SCTR: variants seen among roughly 807,000 people sequenced by gnomAD.
SCTR encodes the protein pancreatic secretin receptor.
In SCTR, 56 loss-of-function variants were observed where a neutral mutation model predicts 60.8. That is an observed-to-expected ratio of 0.92 (90% CI 0.74 to 1.15). The LOEUF (loss-of-function observed/expected upper bound fraction) is 1.15, where lower values mean the gene tolerates loss of function less well. SCTR is among the 50% of genes most tolerant of loss of function. The pLI is 0.00. For synonymous variants in SCTR, 202 were observed against 217.0 expected (o/e 0.93, Z 0.61); for missense variants, 562 against 550.4 (o/e 1.02, Z -0.21).
chr2:119,472,738 C>T (rs1364508610), intron 4 of SCTR, among the ~76,000 whole-genome samples: 2 of 152,164 alleles, frequency 1.3e-5, no homozygotes, highest in Admixed American at 6.5e-5. Flanking sequence ...AACTCTCCAG[C>T]TCAGGCGATC....
intron 9 of SCTR, among the ~76,000 whole-genome samples, chr2:119,451,154 C>T (rs1683150283): frequency 1.3e-5 from 2 of 152,158 alleles, no homozygotes; most frequent in Non-Finnish European, 2.9e-5. Flanking sequence ...CGCAGGTGAG[C>T]CTGCACAGGA....
At chr2:119,468,419 C>T (rs1683927671) in intron 4 of SCTR, among the ~76,000 whole-genome samples, 1 of 152,196 alleles carries the variant, frequency 6.6e-6, no homozygotes, top group Non-Finnish European at 1.5e-5. Context: ...GACTCACCAA[C>T]TGTGTGACCT....
intron 2 of SCTR, among the ~76,000 whole-genome samples, chr2:119,482,925 G>C (rs1011440829): frequency 4.6e-5 from 7 of 152,252 alleles, no homozygotes; most frequent in Admixed American, 3.9e-4. Flanking sequence ...TCAAGTTGCA[G>C]CTCCCCTGCC....
intron 3 of SCTR, chr2:119,477,042 G>T (rs1177383674): frequency 2.0e-5 from 3 of 152,278 alleles, no homozygotes; most frequent in Admixed American, 2.0e-4. Context: ...AGGAGTAGGG[G>T]AGAAGGGACA....
In SCTR at chr2:119,524,325, C is replaced by G; in HGVS notation, c.-99G>C. Reference sequence around the variant, plus strand: ...CCCCGCGCAGGGTCCCGGGCTCCGGCCGGCCGCTGCGCCCCGAGGAGCCAT... The same window carrying G: ...CCCCGCGCAGGGTCCCGGGCTCCGGGCGGCCGCTGCGCCCCGAGGAGCCAT... On this transcript the variant is annotated 5_prime_UTR_variant, in exon 1 of 13. Transcript: ENST00000019103. The G allele has an allele frequency of 2.6e-6, 2 of 763,152 alleles. No individual in the cohort carries two copies. The highest frequency in any genetic ancestry group is 3.7e-6 in the Non-Finnish European group (2 of 539,700). The allele number at this position is 763,152 out of a possible 1,614,324, so 47.3% of individuals were successfully genotyped here.
rs531622270 is a variant in SCTR, at chr2:119,508,741, A to G, written c.73-14193T>C. Among the ~76,000 whole-genome samples the G allele has an allele frequency of 7.7e-4, 117 of 152,256 alleles. 1 individual carries two copies. Among genetic ancestry groups the G allele is most frequent in the Admixed American group, 2.1e-3 (32 of 15,292 alleles). On this transcript the variant is annotated intron_variant, in intron 1 of 12. Coordinates refer to ENST00000019103, the MANE Select transcript of SCTR (RefSeq NM_002980.3). The stretch of plus-strand genomic sequence containing the variant: ...AAAACTGTATAGATTTATTATGCAC[A>G]TGTTGTTTTGAAATATGTATACACT...
chr2:119,484,061 C>G (rs1677753737), intron 2 of SCTR, among the ~76,000 whole-genome samples: 1 of 152,112 alleles, frequency 6.6e-6, no homozygotes, highest in African/African-American at 2.4e-5. Context: ...CAGCCCAGGA[C>G]TAGGGTCATC....
chr2:119,518,076 A>G (rs1157571068), intron 1 of SCTR, among the ~76,000 whole-genome samples: 1 of 152,154 alleles, frequency 6.6e-6, no homozygotes, highest in Non-Finnish European at 1.5e-5. Context: ...CAAAGTGGCC[A>G]TGTGCAAGCC....
chr2:119,496,227 G>C (rs1678339609), intron 1 of SCTR, among the ~76,000 whole-genome samples: 1 of 151,978 alleles, frequency 6.6e-6, no homozygotes, highest in South Asian at 2.1e-4. Flanking sequence ...ATGCTGTTCA[G>C]AGCTGCTTAG....
chr2:119,510,519 A>C (rs528775738), intron 1 of SCTR, among the ~76,000 whole-genome samples: 1 of 152,178 alleles, frequency 6.6e-6, no homozygotes, highest in Non-Finnish European at 1.5e-5. Context: ...TGCTATCTAC[A>C]TCAACCTAGA....
intron 4 of SCTR, 58 bp downstream of exon 4, chr2:119,473,395 C>T: frequency 8.0e-7 from 1 of 1,242,672 alleles, no homozygotes; most frequent in South Asian, 1.2e-5. Context: ...CTCCCAGGGC[C>T]TCCTCACCCT....
At chr2:119,487,161 G>A (rs1677905289) in intron 2 of SCTR, 1 of 152,206 alleles carries the variant, frequency 6.6e-6, no homozygotes, top group African/African-American at 2.4e-5. Context: ...AGGGAAGGAG[G>A]GGAGTGATGA....
At position 119,465,883 on chromosome 2, in the gene SCTR, A is replaced by T; in HGVS notation, c.409T>A (p.Ser137Thr). 6.2e-7 allele frequency: 1 copy of T among 1,611,078 alleles called. No homozygotes were observed. Among genetic ancestry groups the T allele is most frequent in the Non-Finnish European group, 8.5e-7 (1 of 1,177,254 alleles). Residue 137 changes from serine (S) to threonine (T), a missense_variant, in exon 5 of 13, where the codon TCC becomes ACC. Transcript: ENST00000019103. ...ATGACTTTCAGCTTCAGCAGGTAGG[A>T]GTGCTGCAGAGAGAGGCACGTGTCA... ...VNDSSNEKRH[S>T]YLLKLKVMYT...
intron 3 of SCTR, among the ~76,000 whole-genome samples, chr2:119,475,385 C>T (rs1677228822): frequency 6.6e-6 from 1 of 152,148 alleles, no homozygotes; most frequent in South Asian, 2.1e-4. Context: ...GGGCCCTCTC[C>T]TCACTGACAC....
intron 3 of SCTR, among the ~76,000 whole-genome samples, chr2:119,474,013 A>G (rs573960755): frequency 5.9e-5 from 9 of 152,322 alleles, no homozygotes; most frequent in African/African-American, 2.2e-4. Context: ...CCAGAGTGCC[A>G]TTGAGATGAA....
intron 4 of SCTR, among the ~76,000 whole-genome samples, chr2:119,473,208 A>G (rs985028404): frequency 6.6e-6 from 1 of 152,118 alleles, no homozygotes; most frequent in Non-Finnish European, 1.5e-5. Flanking sequence ...GTGGTATGCG[A>G]CAGTTCCTAC....
chr2:119,491,372 G>C (rs1678120898), intron 2 of SCTR, among the ~76,000 whole-genome samples: 1 of 152,204 alleles, frequency 6.6e-6, no homozygotes, highest in Admixed American at 6.5e-5. Flanking sequence ...TCAGGCTCCG[G>C]CCTTGGCTCA....
Position 119,452,054 on chromosome 2 carries a change from A to G in SCTR, c.877T>C (p.Ser293Pro), listed in dbSNP as rs757157813. ...GGACCACGAATGATCCACCAGATGG[A>G]TGCGTTGGCATTGATGTCCCAGCAC... The part of the protein sequence containing the change: ...VGCWDINANA[S>P]IWWIIRGPVI... Residue 293 changes from serine (S) to proline (P), a missense_variant, in exon 9 of 13, where the codon TCC (serine) becomes CCC (proline). Transcript: ENST00000019103. The G allele has an allele frequency of 1.2e-6, 2 of 1,608,750 alleles. No homozygotes were observed. The highest frequency in any genetic ancestry group is 1.7e-5 in the Admixed American group (1 of 59,754).
chr2:119,461,509 C>A (rs1216277854), intron 7 of SCTR, among the ~76,000 whole-genome samples: 3 of 152,120 alleles, frequency 2.0e-5, no homozygotes, highest in African/African-American at 7.2e-5. Flanking sequence ...GTCAGGAGTT[C>A]AAAACTAGTC....
Sources: gnomAD v4.1 joint callset for allele counts (sites outside exome capture counted in the v4.1 genomes callset) on GRCh38, gnomAD v4.1.1 for gene constraint, MANE v1.5 for transcripts, NCBI Gene and HGNC (gene_info 2026-07-23, HGNC 2026-07-21) for gene names.